PARP16: variants seen among roughly 807,000 people sequenced by gnomAD.
PARP16 encodes the protein protein mono-ADP-ribosyltransferase PARP16.
PARP16 carries 31 observed loss-of-function variants against 35.0 expected under a neutral mutation model. The ratio of observed to expected loss-of-function variants is 0.88; its 90% CI spans 0.66 to 1.19. The LOEUF is 1.19. Ranked by LOEUF, PARP16 falls within the 50% of genes most tolerant of loss-of-function variation. The pLI, the probability that PARP16 is intolerant of heterozygous loss-of-function variation, is 0.00. For missense variants in PARP16, 424 were observed against 411.2 expected, an observed-to-expected ratio of 1.03 and a Z score of -0.27; for synonymous variants, 162 against 169.5, an observed-to-expected ratio of 0.96 and a Z score of 0.34.
chr15:65,235,242 G>C (rs1213985311), intron 3 of PARP16, among the ~76,000 whole-genome samples: 1 of 151,986 alleles, frequency 6.6e-6, no homozygotes, highest in Non-Finnish European at 1.5e-5. Flanking sequence ...GGGAGGCGGA[G>C]CTTGCAGTGA....
chr15:65,256,983 T>C (rs1285106761), downstream of PARP16, among the ~76,000 whole-genome samples: 1 of 152,176 alleles, frequency 6.6e-6, no homozygotes, highest in African/African-American at 2.4e-5. Flanking sequence ...AATAAAACCT[T>C]GGGCAAGCTA....
At chr15:65,272,641 C>T (rs756260514) in intron 1 of PARP16, among the ~76,000 whole-genome samples, 1 of 152,142 alleles carries the variant, frequency 6.6e-6, no homozygotes. Flanking sequence ...AGCCCATTGC[C>T]CCAGTTCTCC....
chr15:65,286,255 G>C lies in PARP16; in HGVS notation c.172C>G (p.Leu58Val). The change falls in exon 1 of 6, where the codon CTG becomes GTG. Residue 58 changes from leucine (L) to valine (V), a missense_variant and splice_region_variant. Coordinates refer to ENST00000649807, the MANE Select transcript of PARP16 (RefSeq NM_001316943.2). ...ARGDCKDFEALLADASKLPNL... is the reference protein window; with the variant it reads ...ARGDCKDFEAVLADASKLPNL... Reference sequence around the variant, plus strand: ...GCGCCAGGACAAAGCACACTCACCAGGGCTTCAAAGTCCTTACAGTCGCCG... The same window carrying C: ...GCGCCAGGACAAAGCACACTCACCACGGCTTCAAAGTCCTTACAGTCGCCG... 6.3e-7 allele frequency: 1 copy of C among 1,576,416 alleles called. No individual in the cohort carries two copies. Among genetic ancestry groups the C allele is most frequent in the Non-Finnish European group, 8.6e-7 (1 of 1,164,412 alleles).
At position 65,286,660 on chromosome 15, in the gene PARP16, C is replaced by G; in HGVS notation, c.-234G>C. The G allele has an allele frequency of 1.9e-5, 6 of 318,380 alleles. No individual in the cohort carries two copies. Among genetic ancestry groups the G allele is most frequent in the South Asian group, 2.2e-4 (2 of 9,116 alleles). 19.7% of individuals were successfully genotyped at this position (318,380 alleles called of 1,614,324 possible). A position where few individuals can be genotyped will look rare whatever the true frequency, so the allele number is the denominator to read the frequency against. ...CGAAGAGAGAGACCGAGGCCTGGAC[C>G]GCGGGTCGGCGGGGAGGTTGGGCCC... On this transcript the variant is annotated 5_prime_UTR_variant, in exon 1 of 6. Coordinates refer to ENST00000649807, the MANE Select transcript of PARP16 (RefSeq NM_001316943.2).
intron 3 of PARP16, among the ~76,000 whole-genome samples, 191 bp downstream of exon 3, chr15:65,266,371 G>T (rs2089891206): frequency 6.6e-6 from 1 of 152,164 alleles, no homozygotes; most frequent in Non-Finnish European, 1.5e-5. Context: ...GTGTGCCCAA[G>T]ATTTTGCATT....
intron 3 of PARP16, among the ~76,000 whole-genome samples, chr15:65,265,014 G>C (rs538654803): frequency 2.6e-5 from 4 of 152,336 alleles, no homozygotes; most frequent in Admixed American, 2.0e-4. Flanking sequence ...CAGTAGCCTG[G>C]ACATAATGGT....
intron 1 of PARP16, among the ~76,000 whole-genome samples, chr15:65,282,175 A>C (rs918103722): frequency 2.6e-5 from 4 of 152,024 alleles, no homozygotes; most frequent in African/African-American, 9.7e-5. Flanking sequence ...CACACAGGCT[A>C]ATTTTTTGTA....
downstream of PARP16, among the ~76,000 whole-genome samples, chr15:65,233,269 C>T (rs2088802316): frequency 6.6e-6 from 1 of 151,828 alleles, no homozygotes; most frequent in Non-Finnish European, 1.5e-5. Context: ...AAAAAATTAG[C>T]CGGGCGCCTG....
chr15:65,285,664 G>A, intron 1 of PARP16: 1 of 184,402 alleles, frequency 5.4e-6, no homozygotes, highest in Non-Finnish European at 1.1e-5. Flanking sequence ...ATTTTGGTAA[G>A]TTATATTTTT....
intron 1 of PARP16, among the ~76,000 whole-genome samples, chr15:65,281,535 A>G (rs1167914145): frequency 2.0e-5 from 3 of 152,152 alleles, no homozygotes; most frequent in Non-Finnish European, 4.4e-5. Context: ...TACTAAAAAT[A>G]CAAAAATTAG....
At chr15:65,236,270 T>C (rs1210741490) in intron 3 of PARP16, among the ~76,000 whole-genome samples, 1 of 152,250 alleles carries the variant, frequency 6.6e-6, no homozygotes, top group Non-Finnish European at 1.5e-5. Context: ...TACAGTCTAG[T>C]GGTAGAGCCA....
At chr15:65,269,519 C>T (rs1229562269) in intron 2 of PARP16, among the ~76,000 whole-genome samples, 1 of 152,164 alleles carries the variant, frequency 6.6e-6, no homozygotes, top group Non-Finnish European at 1.5e-5. Flanking sequence ...TAGTAGGTCA[C>T]AGACCAAAGC....
intron 2 of PARP16, among the ~76,000 whole-genome samples, chr15:65,250,645 C>T (rs1387080609): frequency 6.6e-6 from 1 of 152,184 alleles, no homozygotes; most frequent in Non-Finnish European, 1.5e-5. Flanking sequence ...CCTTCTCCTA[C>T]TGCTGCAGAC....
intron 4 of PARP16, among the ~76,000 whole-genome samples, chr15:65,262,742 C>G (rs1448030867): frequency 6.6e-6 from 1 of 152,140 alleles, no homozygotes; most frequent in Non-Finnish European, 1.5e-5. Context: ...TCTGCCGATA[C>G]CCGGTGCCCA....
At chr15:65,272,353 C>T (rs1346577618) in intron 1 of PARP16, among the ~76,000 whole-genome samples, 1 of 152,200 alleles carries the variant, frequency 6.6e-6, no homozygotes, top group Non-Finnish European at 1.5e-5. Flanking sequence ...GAAACATATT[C>T]AGTGCCAGGA....
At chr15:65,264,909 T>A (rs2089841195) in intron 3 of PARP16, among the ~76,000 whole-genome samples, 1 of 152,170 alleles carries the variant, frequency 6.6e-6, no homozygotes, top group African/African-American at 2.4e-5. Flanking sequence ...GCAAACTCCC[T>A]GGGGCACTAA....
chr15:65,265,653 T>C (rs568217226), intron 3 of PARP16, among the ~76,000 whole-genome samples: 1 of 152,310 alleles, frequency 6.6e-6, no homozygotes, highest in Admixed American at 6.5e-5. Context: ...AGGAAAGTGC[T>C]TCTCAAACTT....
intron 1 of PARP16, among the ~76,000 whole-genome samples, chr15:65,281,712 A>G (rs763010211): frequency 4.1e-4 from 62 of 150,546 alleles, no homozygotes; most frequent in Non-Finnish European, 8.1e-4. Flanking sequence ...AAAAAATCAG[A>G]GAGCTTATCA....
chr15:65,276,986 A>G (rs940955138), intron 1 of PARP16, among the ~76,000 whole-genome samples: 7 of 152,078 alleles, frequency 4.6e-5, no homozygotes, highest in Non-Finnish European at 1.0e-4. Flanking sequence ...TCATCTAAAA[A>G]AAAAAAAAAA....
Sources: allele counts gnomAD v4.1 joint callset (sites outside exome capture counted in the v4.1 genomes callset), GRCh38; gene constraint gnomAD v4.1.1; transcripts MANE v1.5; gene names NCBI Gene and HGNC (gene_info 2026-07-23, HGNC 2026-07-21).